Variants in PRKCH observed in about 807,000 individuals in gnomAD.
PRKCH encodes protein kinase C eta, also known as protein kinase C eta type.
In PRKCH, 28 loss-of-function variants were observed where a neutral mutation model predicts 82.5. The observed-to-expected ratio is 0.34, with a 90% confidence interval of 0.25 to 0.47. The LOEUF is 0.47. Among genes scored for constraint, PRKCH ranks in the 20% least tolerant of loss-of-function variants. PRKCH has a pLI of 1.00. For synonymous variants in PRKCH, 322 were observed against 327.4 expected, an observed-to-expected ratio of 0.98 and a Z score of 0.18; for missense variants, 705 against 881.8, an observed-to-expected ratio of 0.80 and a Z score of 2.54.
intron 1 of PRKCH, among the ~76,000 whole-genome samples, chr14:61,352,325 T>G (rs2046087516): frequency 6.6e-6 from 1 of 152,126 alleles, no homozygotes; most frequent in Non-Finnish European, 1.5e-5. Context: ...CCCACCCACA[T>G]CCACATGGCT....
intron 1 of PRKCH, among the ~76,000 whole-genome samples, chr14:61,229,114 T>C (rs1189358653): frequency 3.9e-5 from 6 of 152,150 alleles, no homozygotes; most frequent in African/African-American, 1.4e-4. Flanking sequence ...AACATTCTCA[T>C]AGTATAATTT....
chr14:61,390,283 A>G (rs964516618), intron 1 of PRKCH, among the ~76,000 whole-genome samples: 2 of 152,232 alleles, frequency 1.3e-5, no homozygotes, highest in African/African-American at 4.8e-5. Context: ...ACGACACCAT[A>G]TGAAAAGACT....
chr14:61,398,561 A>G (rs1957912), intron 2 of PRKCH, among the ~76,000 whole-genome samples: 53,032 of 152,048 alleles, frequency 0.35, 9,662 homozygotes, highest in East Asian at 0.53. Flanking sequence ...GCCCACAAAT[A>G]AAAAACCAGA....
chr14:61,445,171 G>A (rs567475338), intron 3 of PRKCH, among the ~76,000 whole-genome samples: 1 of 152,364 alleles, frequency 6.6e-6, no homozygotes, highest in South Asian at 2.1e-4. Flanking sequence ...GGCAAAGATG[G>A]AAGTGGTGGG....
At position 61,280,672 on chromosome 14, in the gene PRKCH, A is replaced by G. The variant is rs1217147565; in HGVS notation, c.-19+93004A>G. ...GTTGGCGATGGCGCCGCAGGGCGCG[A>G]TGGGCAGGCCGGCCGCGCTGCGCTG... On this transcript the variant is annotated intron_variant, in intron 1 of 3. Transcript: ENST00000555185. This position sits in a 1 kb window ranked among gnomAD's most constrained non-coding sequence, Gnocchi z 5.0. 2.5e-6 allele frequency: 4 copies of G among 1,573,564 alleles called. No individual in the cohort carries two copies. Among genetic ancestry groups the G allele is most frequent in the East Asian group, 4.7e-5 (2 of 42,496 alleles).
At chr14:61,324,320 A>C (rs1038548529) in intron 1 of PRKCH, among the ~76,000 whole-genome samples, 19 of 152,224 alleles carry the variant, frequency 1.2e-4, no homozygotes, top group Non-Finnish European at 2.9e-5. Context: ...AAATAATTAC[A>C]CTTAGATGTT....
intron 1 of PRKCH, among the ~76,000 whole-genome samples, chr14:61,208,211 CATTT>C (rs1374815811): frequency 6.6e-6 from 1 of 152,048 alleles, no homozygotes; most frequent in Non-Finnish European, 1.5e-5. Flanking sequence ...TGATCCCTTT[CATTT>C]ATTTTTTAAT....
In PRKCH at chr14:61,370,337, G is replaced by C. The variant is rs150950149; in HGVS notation, c.364-20888G>C. Among the ~76,000 whole-genome samples, 317 of 152,222 alleles carry C rather than the reference G, an allele frequency of 2.1e-3. 6 individuals carry two copies. The highest frequency in any genetic ancestry group is 7.3e-3 in the African/African-American group (301 of 41,468). On this transcript the variant is annotated intron_variant, in intron 1 of 13. Transcript: ENST00000332981. ...AAGCGAAGGGATGAGGTGGTGATGA[G>C]AACAGTGAAGGCAAACTACAGTGGT... is the stretch of plus-strand genomic sequence containing the variant.
intron 1 of PRKCH, among the ~76,000 whole-genome samples, chr14:61,249,053 C>T (rs768585978): frequency 1.3e-5 from 2 of 152,126 alleles, no homozygotes; most frequent in East Asian, 1.9e-4. Flanking sequence ...TCGCCTGCCT[C>T]GGCCTCCCAA....
Position 61,280,697 on chromosome 14 carries a change from G to T in PRKCH, c.-19+93029G>T, listed in dbSNP as rs749057399. 6 of 1,578,234 alleles carry T rather than the reference G, an allele frequency of 3.8e-6. No individual in the cohort carries two copies. In the South Asian group the frequency reaches 6.9e-5, roughly 18 times the overall value. Reference sequence around the variant, plus strand: ...ATGGGCAGGCCGGCCGCGCTGCGCTGGTAGGGGGCGCACTCGTTGACAGGG... The same window carrying T: ...ATGGGCAGGCCGGCCGCGCTGCGCTTGTAGGGGGCGCACTCGTTGACAGGG... On this transcript the variant is annotated intron_variant, in intron 1 of 3. Transcript: ENST00000555185. This position sits in a 1 kb window ranked among gnomAD's most constrained non-coding sequence, Gnocchi z 5.0.
intron 1 of PRKCH, among the ~76,000 whole-genome samples, chr14:61,275,654 A>G (rs564278425): frequency 2.0e-5 from 3 of 152,314 alleles, no homozygotes; most frequent in Admixed American, 2.0e-4. Context: ...GTCATCAATG[A>G]GTCCTGGTGG....
At chr14:61,206,720 G>T (rs1341119082) in intron 1 of PRKCH, among the ~76,000 whole-genome samples, 1 of 152,206 alleles carries the variant, frequency 6.6e-6, no homozygotes. Flanking sequence ...TCCAGAGAAA[G>T]GTGAAGGTGA....
At chr14:61,414,754 C>T in intron 2 of PRKCH, among the ~76,000 whole-genome samples, 1 of 152,148 alleles carries the variant, frequency 6.6e-6, no homozygotes, top group East Asian at 1.9e-4. Flanking sequence ...GCTGGGATTA[C>T]AGGCATGAGC....
chr14:61,391,370 A>T (rs1430933291), intron 2 of PRKCH, 82 bp downstream of exon 2: 1 of 1,212,872 alleles, frequency 8.2e-7, no homozygotes, highest in African/African-American at 1.6e-5. Context: ...TGGACATTAT[A>T]AAAAAGAGCA....
At chr14:61,332,565 A>G (rs983043800) in intron 1 of PRKCH, among the ~76,000 whole-genome samples, 3 of 152,158 alleles carry the variant, frequency 2.0e-5, no homozygotes, top group Non-Finnish European at 2.9e-5. Flanking sequence ...GTTACCAAAG[A>G]TGTTTAGTTT....
At chr14:61,515,221 G>A (rs1340923007) in intron 10 of PRKCH, among the ~76,000 whole-genome samples, 2 of 152,164 alleles carry the variant, frequency 1.3e-5, no homozygotes, top group South Asian at 2.1e-4. Flanking sequence ...ATTTGATTAC[G>A]TTGTGAAGTA....
chr14:61,287,283 T>G (rs2045323961), intron 1 of PRKCH, among the ~76,000 whole-genome samples: 1 of 147,336 alleles, frequency 6.8e-6, no homozygotes, highest in East Asian at 2.1e-4. Context: ...GGGTAGAGTT[T>G]GGCTGTAGGG....
intron 1 of PRKCH, among the ~76,000 whole-genome samples, chr14:61,233,965 C>T (rs1393749052): frequency 1.3e-5 from 2 of 152,206 alleles, no homozygotes; most frequent in African/African-American, 4.8e-5. Context: ...ATTTCTCTTT[C>T]TCTGCATTTA....
intron 1 of PRKCH, among the ~76,000 whole-genome samples, chr14:61,251,296 C>G (rs188593993): frequency 2.0e-5 from 3 of 151,998 alleles, no homozygotes; most frequent in African/African-American, 7.3e-5. Context: ...AGTACTAGGT[C>G]TTATTCGTTC....
Sources: gnomAD v4.1 joint callset for allele counts (sites outside exome capture counted in the v4.1 genomes callset) on GRCh38, gnomAD v4.1.1 for gene constraint, Gnocchi (gnomAD v3.1) non-coding constraint, MANE v1.5 for transcripts, NCBI Gene and HGNC (gene_info 2026-07-23, HGNC 2026-07-21) for gene names.